The following NPRL2 variants were observed in gnomAD, a reference collection of about 807,000 sequenced individuals.
The protein encoded by NPRL2 is GATOR1 complex protein NPRL2.
A neutral mutation model predicts 51.1 loss-of-function variants in NPRL2; 21 were observed. The observed-to-expected ratio is 0.41, with a 90% CI of 0.29 to 0.59. The LOEUF (loss-of-function observed/expected upper bound fraction) is 0.59. NPRL2 is among the 20% of genes least tolerant of loss of function. NPRL2 has a pLI of 0.29. For missense variants in NPRL2, 376 were observed against 483.4 expected (o/e 0.78, Z 2.08); for synonymous variants, 175 against 187.8 (o/e 0.93, Z 0.56).
Position 50,347,830 on chromosome 3 carries a change from C to T in NPRL2, c.1004G>A (p.Arg335Gln), listed in dbSNP as rs758322982. Reference protein sequence around the residue: ...RLQKYPVRVTREEQSHPARLY... With the variant: ...RLQKYPVRVTQEEQSHPARLY... ...CCGGGCAGGGTGGCTCTGCTCTTCCCGAGTCACCCGCACAGGATACTTCTG... is the reference window on the plus strand; with the variant it reads ...CCGGGCAGGGTGGCTCTGCTCTTCCTGAGTCACCCGCACAGGATACTTCTG... The change falls in exon 10 of 11, where the codon CGG becomes CAG. Residue 335 changes from arginine to glutamine, a missense_variant. Physicochemically the swap from Arg to Gln is conservative, Grantham distance 43 (BLOSUM62 1). Coordinates refer to ENST00000232501, the MANE Select transcript of NPRL2 (RefSeq NM_006545.5). The T allele has an allele frequency of 4.0e-5, 64 of 1,613,936 alleles. No individual in the cohort carries two copies. Among genetic ancestry groups the T allele is most frequent in the Non-Finnish European group, 4.9e-5 (58 of 1,180,054 alleles).
chr3:50,349,206 T>C lies in NPRL2; in HGVS notation c.448+180A>G. 1.2e-6 allele frequency: 1 copy of C among 840,584 alleles called. No homozygotes were observed. The highest frequency in any genetic ancestry group is 2.7e-5 in the East Asian group (1 of 37,596). The allele number at this position is 840,584 out of a possible 1,614,324, so 52.1% of individuals were successfully genotyped here. A position where few individuals can be genotyped will look rare whatever the true frequency, so the allele number is the denominator to read the frequency against. On this transcript the variant is annotated intron_variant, in intron 4 of 10. Transcript: ENST00000232501. This position sits in a 1 kb window ranked among gnomAD's most constrained non-coding sequence, Gnocchi z 4.6. ...AGGGGCAGAGCTGGAGAGCTCTGCT[T>C]TCCCCCTACCCCCAGTCCCAGCTCC... is the stretch of plus-strand genomic sequence containing the variant.
Position 50,350,065 on chromosome 3 carries a change from A to G in NPRL2, c.79-43T>C, listed in dbSNP as rs1703704684. 1 of 1,536,606 alleles carries G rather than the reference A, an allele frequency of 6.5e-7. No homozygotes were observed. The highest frequency in any genetic ancestry group is 2.2e-5 in the East Asian group (1 of 44,518). On this transcript the variant is annotated intron_variant, in intron 1 of 10. Transcript: ENST00000232501. This position sits in a 1 kb window ranked among gnomAD's most constrained non-coding sequence, Gnocchi z 5.7. ...AATGGGCCCCTCAGTGGACATCTGT[A>G]CTGGGTGTAGTACAAATGGTGACCT...
chr3:50,350,152 G>A lies in NPRL2; in HGVS notation c.79-130C>T, dbSNP rs587687666. ...GTTCCCCTCTCTCCCATCCACTCAG[G>A]CCTATTACTTCTTTCTGTTTCCAAA... is the stretch of plus-strand genomic sequence containing the variant. On this transcript the variant is annotated intron_variant, in intron 1 of 10. Transcript: ENST00000232501. This position sits in a 1 kb window ranked among gnomAD's most constrained non-coding sequence, Gnocchi z 5.7. 18 of 709,996 alleles carry A rather than the reference G, an allele frequency of 2.5e-5. No homozygotes were observed. In the South Asian group the frequency reaches 2.5e-4, roughly 10 times the overall value. 44.0% of individuals were successfully genotyped at this position (709,996 alleles called of 1,614,324 possible). A position where few individuals can be genotyped will look rare whatever the true frequency, so the allele number is the denominator to read the frequency against.
In NPRL2 at chr3:50,348,040, C is replaced by G; in HGVS notation, c.932+84G>C. 6.3e-7 allele frequency: 1 copy of G among 1,586,806 alleles called. No individual in the cohort carries two copies. The highest frequency in any genetic ancestry group is 1.1e-5 in the South Asian group (1 of 89,848). On this transcript the variant is annotated intron_variant, in intron 9 of 10. Transcript: ENST00000232501. The surrounding 1 kb of genome is among the most constrained non-coding windows in gnomAD (Gnocchi z 5.8). ...GAAGCCTGCTTGGATTGGCAGTGCCCCATGATCCAGGGCTCCTGAGAGACA... is the reference window on the plus strand; with the variant it reads ...GAAGCCTGCTTGGATTGGCAGTGCCGCATGATCCAGGGCTCCTGAGAGACA...
Position 50,350,183 on chromosome 3 carries a change from G to T in NPRL2, c.79-161C>A. On this transcript the variant is annotated intron_variant, in intron 1 of 10. Coordinates refer to ENST00000232501, the MANE Select transcript of NPRL2 (RefSeq NM_006545.5). The surrounding 1 kb of genome is among the most constrained non-coding windows in gnomAD (Gnocchi z 5.7). Reference sequence around the variant, plus strand: ...TACTTCTTTCTGTTTCCAAACATACGCTATGATCTCACCTCCTTCCTGGCT... The same window carrying T: ...TACTTCTTTCTGTTTCCAAACATACTCTATGATCTCACCTCCTTCCTGGCT... 4.8e-6 allele frequency: 3 copies of T among 627,344 alleles called. No homozygotes were observed. The highest frequency in any genetic ancestry group is 3.8e-5 in the South Asian group (2 of 53,226). 38.9% of individuals were successfully genotyped at this position (627,344 alleles called of 1,614,324 possible).
At position 50,349,690 on chromosome 3, in the gene NPRL2, A is replaced by G. The variant is rs886037965; in HGVS notation, c.314T>C (p.Leu105Pro). 1 of 1,613,296 alleles carries G rather than the reference A, an allele frequency of 6.2e-7. No homozygotes were observed. The highest frequency in any genetic ancestry group is 8.5e-7 in the Non-Finnish European group (1 of 1,179,500). Residue 105 changes from leucine (L) to proline (P), a missense_variant, in exon 3 of 11, where the codon CTG (leucine) becomes CCG (proline). Physicochemically the swap from Leu to Pro is moderately conservative, Grantham distance 98 (BLOSUM62 -3). Coordinates refer to ENST00000232501, the MANE Select transcript of NPRL2 (RefSeq NM_006545.5). The surrounding 1 kb of genome is among the most constrained non-coding windows in gnomAD (Gnocchi z 4.6). Reference protein sequence around the residue: ...TCALEPIVKKLAGYLTTLELE... With the variant: ...TCALEPIVKKPAGYLTTLELE... ...CTCTAGTGTGGTCAGATAGCCAGCC[A>G]GCTTTTTAACAATGGGCTCGAGGGC...
In NPRL2 at chr3:50,349,063, A is replaced by C; in HGVS notation, c.449-53T>G. 1 of 1,590,130 alleles carries C rather than the reference A, an allele frequency of 6.3e-7. No individual in the cohort carries two copies. Among genetic ancestry groups the C allele is most frequent in the Non-Finnish European group, 8.6e-7 (1 of 1,167,316 alleles). On this transcript the variant is annotated intron_variant, in intron 4 of 10. Transcript: ENST00000232501. This position sits in a 1 kb window ranked among gnomAD's most constrained non-coding sequence, Gnocchi z 4.6. ...GTGCCACTTCTTCCAAGAGGTCCTCAATTACCATCCAGGCCTCCCAGCATC... is the reference window on the plus strand; with the variant it reads ...GTGCCACTTCTTCCAAGAGGTCCTCCATTACCATCCAGGCCTCCCAGCATC...
Position 50,349,154 on chromosome 3 carries a change from G to T in NPRL2, c.449-144C>A. On this transcript the variant is annotated intron_variant, in intron 4 of 10. Coordinates refer to ENST00000232501, the MANE Select transcript of NPRL2 (RefSeq NM_006545.5). The surrounding 1 kb of genome is among the most constrained non-coding windows in gnomAD (Gnocchi z 4.6). Reference sequence around the variant, plus strand: ...CTCTTTTTATGGAGTGAGAAACGGAGGCCCACAAAGGGGAAGGAATTGCCC... The same window carrying T: ...CTCTTTTTATGGAGTGAGAAACGGATGCCCACAAAGGGGAAGGAATTGCCC... The T allele has an allele frequency of 9.5e-7, 1 of 1,054,274 alleles. No individual in the cohort carries two copies. 65.3% of individuals were successfully genotyped at this position (1,054,274 alleles called of 1,614,324 possible). A position where few individuals can be genotyped will look rare whatever the true frequency, so the allele number is the denominator to read the frequency against.
rs1703628589 is a variant in NPRL2 at position 50,348,302 on chromosome 3, AG to A, written c.814+14del. The stretch of plus-strand genomic sequence containing the variant: ...TGCCCTCCCCAAGATGGCTTCCCCC[AG>A]AACCCACCACTACCTTGCTTGGTCA... On this transcript the variant is annotated intron_variant, in intron 8 of 10. Coordinates refer to ENST00000232501, the MANE Select transcript of NPRL2 (RefSeq NM_006545.5). This position sits in a 1 kb window ranked among gnomAD's most constrained non-coding sequence, Gnocchi z 5.8. The A allele has an allele frequency of 1.2e-6, 2 of 1,613,728 alleles. No individual in the cohort carries two copies. Among genetic ancestry groups the A allele is most frequent in the African/African-American group, 1.3e-5 (1 of 74,944 alleles).
rs1289040017 is a variant in NPRL2, at chr3:50,349,277, T to C, written c.448+109A>G. 9.6e-7 allele frequency: 1 copy of C among 1,039,748 alleles called. No individual in the cohort carries two copies. Among genetic ancestry groups the C allele is most frequent in the African/African-American group, 1.6e-5 (1 of 63,904 alleles). The allele number at this position is 1,039,748 out of a possible 1,614,324, so 64.4% of individuals were successfully genotyped here. A position where few individuals can be genotyped will look rare whatever the true frequency, so the allele number is the denominator to read the frequency against. Reference sequence around the variant, plus strand: ...CATGGGCACCTCAGCCCATGGCTATTTCCTGCCCACCAATGTGTTCATGAG... The same window carrying C: ...CATGGGCACCTCAGCCCATGGCTATCTCCTGCCCACCAATGTGTTCATGAG... On this transcript the variant is annotated intron_variant, in intron 4 of 10. Coordinates refer to ENST00000232501, the MANE Select transcript of NPRL2 (RefSeq NM_006545.5). The surrounding 1 kb of genome is among the most constrained non-coding windows in gnomAD (Gnocchi z 4.6).
chr3:50,348,157 C>T lies in NPRL2; in HGVS notation c.899G>A (p.Arg300His), dbSNP rs375459962. ...PGTTVRDLIG[R>H]HPQQLQHVDE... ...AACATGCTGCAGCTGCTGGGGGTGG[C>T]GGCCAATGAGGTCTCGCACGGTAGT... The change falls in exon 9 of 11, where the codon CGC becomes CAC. Residue 300 changes from arginine (R) to histidine (H), a missense_variant. Coordinates refer to ENST00000232501, the MANE Select transcript of NPRL2 (RefSeq NM_006545.5). This position sits in a 1 kb window ranked among gnomAD's most constrained non-coding sequence, Gnocchi z 5.8. The T allele has an allele frequency of 3.1e-6, 5 of 1,613,920 alleles. No individual in the cohort carries two copies. Among genetic ancestry groups the T allele is most frequent in the African/African-American group, 1.3e-5 (1 of 74,928 alleles).
Position 50,349,702 on chromosome 3 carries a change from A to G in NPRL2, c.302T>C (p.Ile101Thr). 6.2e-7 allele frequency: 1 copy of G among 1,613,454 alleles called. No homozygotes were observed. Among genetic ancestry groups the G allele is most frequent in the South Asian group, 1.1e-5 (1 of 91,054 alleles). Reference sequence around the variant, plus strand: ...CAGATAGCCAGCCAGCTTTTTAACAATGGGCTCGAGGGCGCAGGTCTTGGC... The same window carrying G: ...CAGATAGCCAGCCAGCTTTTTAACAGTGGGCTCGAGGGCGCAGGTCTTGGC... The part of the protein sequence containing the change: ...AQAKTCALEP[I>T]VKKLAGYLTT... Residue 101 changes from isoleucine (I) to threonine (T), a missense_variant, in exon 3 of 11, where the codon ATT becomes ACT. Transcript: ENST00000232501. This position sits in a 1 kb window ranked among gnomAD's most constrained non-coding sequence, Gnocchi z 4.6.
chr3:50,348,371 G>A lies in NPRL2; in HGVS notation c.760C>T (p.Leu254=). 2 of 1,613,944 alleles carry A rather than the reference G, an allele frequency of 1.2e-6. No individual in the cohort carries two copies. Among genetic ancestry groups the A allele is most frequent in the South Asian group, 2.2e-5 (2 of 91,084 alleles). The change falls in exon 8 of 11, where the codon CTG becomes TTG. Residue 254 remains leucine (L), a synonymous_variant. Coordinates refer to ENST00000232501, the MANE Select transcript of NPRL2 (RefSeq NM_006545.5). The surrounding 1 kb of genome is among the most constrained non-coding windows in gnomAD (Gnocchi z 5.8). ...TCTTGCAGGGACTTGTCATCTACCA[G>A]GTCCTGGACCTTGGGCGTTGGGCAG... is the stretch of plus-strand genomic sequence containing the variant. ...VYCPTPKVQD[L]VDDKSLQEAC...
Position 50,350,613 on chromosome 3 carries a change from C to T in NPRL2, c.40G>A (p.Glu14Lys). ...GCRIECIFFS[E>K]FHPTLGPKIT... Reference sequence around the variant, plus strand: ...TTGGGTCCCAGCGTGGGGTGGAACTCGCTGAAGAATATGCATTCGATGCGG... The same window carrying T: ...TTGGGTCCCAGCGTGGGGTGGAACTTGCTGAAGAATATGCATTCGATGCGG... Residue 14 changes from glutamate to lysine, a missense_variant, in exon 1 of 11, where the codon GAG becomes AAG. Physicochemically the swap from Glu to Lys is moderately conservative, Grantham distance 56 (BLOSUM62 1). Coordinates refer to ENST00000232501, the MANE Select transcript of NPRL2 (RefSeq NM_006545.5). The surrounding 1 kb of genome is among the most constrained non-coding windows in gnomAD (Gnocchi z 5.7). 6.2e-7 allele frequency: 1 copy of T among 1,609,866 alleles called. No homozygotes were observed. The highest frequency in any genetic ancestry group is 8.5e-7 in the Non-Finnish European group (1 of 1,178,518).
In NPRL2 at chr3:50,350,297, G is replaced by T. The variant is rs1010721397; in HGVS notation, c.79-275C>A. ...TCATTTACTCTTCACTCAGTTCAGG[G>T]ATACTCATGGGTCACCCAACTCACC... On this transcript the variant is annotated intron_variant, in intron 1 of 10. Coordinates refer to ENST00000232501, the MANE Select transcript of NPRL2 (RefSeq NM_006545.5). This position sits in a 1 kb window ranked among gnomAD's most constrained non-coding sequence, Gnocchi z 5.7. 7 of 600,388 alleles carry T rather than the reference G, an allele frequency of 1.2e-5. No homozygotes were observed. The African/African-American group carries it at 1.3e-4, about 11-fold the overall frequency. The allele number at this position is 600,388 out of a possible 1,614,324, so 37.2% of individuals were successfully genotyped here.
rs73082914 is a variant in NPRL2 at position 50,350,442 on chromosome 3, C to T, written c.78+133G>A. 69,461 of 964,126 alleles carry T rather than the reference C, an allele frequency of 0.072. 2,932 individuals carry two copies. Among genetic ancestry groups the T allele is most frequent in the Non-Finnish European group, 0.087 (56,247 of 647,922 alleles). 59.7% of individuals were successfully genotyped at this position (964,126 alleles called of 1,614,324 possible). A position where few individuals can be genotyped will look rare whatever the true frequency, so the allele number is the denominator to read the frequency against. On this transcript the variant is annotated intron_variant, in intron 1 of 10. Coordinates refer to ENST00000232501, the MANE Select transcript of NPRL2 (RefSeq NM_006545.5). The surrounding 1 kb of genome is among the most constrained non-coding windows in gnomAD (Gnocchi z 5.7). The stretch of plus-strand genomic sequence containing the variant: ...AGCCGGGGGCCTGGGTCTGACTATC[C>T]TCTAGCCTCACAGTTGTCTGCGAAT...
rs779119546 is a variant in NPRL2 at position 50,349,999 on chromosome 3, T to G, written c.102A>C (p.Arg34=). Residue 34 remains arginine, a synonymous_variant, in exon 2 of 11, where the codon CGA becomes CGC. Coordinates refer to ENST00000232501, the MANE Select transcript of NPRL2 (RefSeq NM_006545.5). The surrounding 1 kb of genome is among the most constrained non-coding windows in gnomAD (Gnocchi z 4.6). ...ACACTTGGACTGTGTCAAACAGCTC[T>G]CGGGAGATGAAGTCTTCAGGGACCT... ...TYQVPEDFIS[R]ELFDTVQVYI... 1.9e-6 allele frequency: 3 copies of G among 1,613,870 alleles called. No homozygotes were observed. Among genetic ancestry groups the G allele is most frequent in the Non-Finnish European group, 2.5e-6 (3 of 1,179,994 alleles).
In NPRL2 at chr3:50,348,011, C is replaced by G. The variant is rs587662265; in HGVS notation, c.933-110G>C. On this transcript the variant is annotated intron_variant, in intron 9 of 10. Coordinates refer to ENST00000232501, the MANE Select transcript of NPRL2 (RefSeq NM_006545.5). The surrounding 1 kb of genome is among the most constrained non-coding windows in gnomAD (Gnocchi z 5.8). Reference sequence around the variant, plus strand: ...ATTTTGTCTCTGTAGCCCATCATCTCCAGGAAGCCTGCTTGGATTGGCAGT... The same window carrying G: ...ATTTTGTCTCTGTAGCCCATCATCTGCAGGAAGCCTGCTTGGATTGGCAGT... 1 of 1,591,688 alleles carries G rather than the reference C, an allele frequency of 6.3e-7. No homozygotes were observed. Among genetic ancestry groups the G allele is most frequent in the East Asian group, 2.2e-5 (1 of 44,544 alleles).
chr3:50,348,121 G>A lies in NPRL2; in HGVS notation c.932+3C>T. 1.2e-6 allele frequency: 2 copies of A among 1,613,766 alleles called. No homozygotes were observed. The highest frequency in any genetic ancestry group is 1.7e-6 in the Non-Finnish European group (2 of 1,179,854). On this transcript the variant is annotated splice_donor_region_variant and intron_variant, in intron 9 of 10. Coordinates refer to ENST00000232501, the MANE Select transcript of NPRL2 (RefSeq NM_006545.5). This position sits in a 1 kb window ranked among gnomAD's most constrained non-coding sequence, Gnocchi z 5.8. ...CAAATGCCCCAGCAAATTCTCCTCT[G>A]ACCGTTCATCAACATGCTGCAGCTG...
Sources: gnomAD v4.1 joint callset for allele counts on GRCh38, gnomAD v4.1.1 for gene constraint, Gnocchi (gnomAD v3.1) non-coding constraint, MANE v1.5 for transcripts, NCBI Gene and HGNC (gene_info 2026-07-23, HGNC 2026-07-21) for gene names.